The following GNA14 variants were observed in gnomAD, a reference collection of about 807,000 sequenced individuals.
GNA14 encodes the protein guanine nucleotide-binding protein subunit alpha-14.
Under a neutral mutation model 42.0 loss-of-function variants are expected in GNA14, and 50 were observed. The ratio of observed to expected loss-of-function variants is 1.19; its 90% CI spans 0.95 to 1.51. The LOEUF is 1.51. Ranked by LOEUF, GNA14 falls within the 40% of genes most tolerant of loss-of-function variation. The probability of loss-of-function intolerance (pLI) is 0.00; values close to 1 mark genes in which losing one functional copy is unlikely to be tolerated. For missense variants in GNA14, 473 were observed against 446.2 expected, an observed-to-expected ratio of 1.06 and a Z score of -0.54; for synonymous variants, 173 against 163.1, an observed-to-expected ratio of 1.06 and a Z score of -0.46.
chr9:77,443,791 A>C (rs1224899457), intron 2 of GNA14, among the ~76,000 whole-genome samples: 1 of 152,180 alleles, frequency 6.6e-6, no homozygotes, highest in Non-Finnish European at 1.5e-5. Context: ...GTAGGCAAAA[A>C]AACAAGACCC....
At chr9:77,608,941 A>G (rs1823686415) in intron 1 of GNA14, among the ~76,000 whole-genome samples, 1 of 151,940 alleles carries the variant, frequency 6.6e-6, no homozygotes, top group African/African-American at 2.4e-5. Context: ...CTTCATTCAC[A>G]TCCATACTAT....
intron 1 of GNA14, among the ~76,000 whole-genome samples, chr9:77,547,424 A>G (rs184289178): frequency 6.6e-6 from 1 of 152,364 alleles, no homozygotes; most frequent in Admixed American, 6.5e-5. Flanking sequence ...AGGTAAAATT[A>G]GCTCTATTTT....
intron 2 of GNA14, among the ~76,000 whole-genome samples, chr9:77,507,225 C>G (rs549164537): frequency 1.3e-5 from 2 of 152,292 alleles, no homozygotes; most frequent in East Asian, 3.9e-4. Flanking sequence ...CAGGAAAATA[C>G]TCAGCTTGTT....
intron 1 of GNA14, among the ~76,000 whole-genome samples, chr9:77,575,013 T>C (rs1823107675): frequency 6.6e-6 from 1 of 152,164 alleles, no homozygotes; most frequent in Non-Finnish European, 1.5e-5. Flanking sequence ...GTAAATAAGG[T>C]TGCCAAGGAA....
intron 1 of GNA14, among the ~76,000 whole-genome samples, chr9:77,622,035 C>G (rs924695499): frequency 1.3e-5 from 2 of 152,174 alleles, no homozygotes; most frequent in Admixed American, 1.3e-4. Context: ...AAGCAATTCT[C>G]CCACCTCAGC....
In GNA14 at chr9:77,647,653, G is replaced by C; in HGVS notation, c.124+17C>G. ...AAAAACGCCCGGCTCACTGGAGTCG[G>C]AGACGCAGCCACTCACCCAGCAGCA... On this transcript the variant is annotated intron_variant, in intron 1 of 6. Transcript: ENST00000341700. The C allele has an allele frequency of 3.1e-6, 5 of 1,603,594 alleles. No individual in the cohort carries two copies. The highest frequency in any genetic ancestry group is 4.3e-6 in the Non-Finnish European group (5 of 1,175,726).
intron 2 of GNA14, among the ~76,000 whole-genome samples, chr9:77,497,758 T>C (rs1836895214): frequency 6.6e-6 from 1 of 152,092 alleles, no homozygotes; most frequent in Non-Finnish European, 1.5e-5. Context: ...TGCATATACA[T>C]ATTTATATAC....
At chr9:77,622,700 C>T (rs1823947323) in intron 1 of GNA14, among the ~76,000 whole-genome samples, 1 of 138,718 alleles carries the variant, frequency 7.2e-6, no homozygotes, top group Non-Finnish European at 1.5e-5. Flanking sequence ...TCCTGGCTAA[C>T]ATGGTGAAAA....
At chr9:77,503,637 T>C (rs1837009430) in intron 2 of GNA14, among the ~76,000 whole-genome samples, 1 of 149,758 alleles carries the variant, frequency 6.7e-6, no homozygotes. Flanking sequence ...CAAAGAAATT[T>C]ACATCAAATT....
At chr9:77,428,884 C>T in intron 5 of GNA14, 23 bp downstream of exon 5, 2 of 1,610,608 alleles carry the variant, frequency 1.2e-6, no homozygotes, top group South Asian at 2.2e-5. Context: ...TCCACAGCTA[C>T]CCAAACTTCC....
chr9:77,613,665 T>C (rs1322216358), intron 1 of GNA14, among the ~76,000 whole-genome samples: 1 of 152,208 alleles, frequency 6.6e-6, no homozygotes, highest in Non-Finnish European at 1.5e-5. Flanking sequence ...TTGTATTTGT[T>C]AAATATGTAC....
intron 2 of GNA14, among the ~76,000 whole-genome samples, chr9:77,458,905 G>GCGGGA (rs1554689041): frequency 4.2e-5 from 2 of 47,952 alleles, no homozygotes; most frequent in Non-Finnish European, 3.8e-5. Context: ...ACAAGCTGGA[G>GCGGGA]GGGGGGGGGT....
At chr9:77,486,619 ATG>A (rs1052551171) in intron 2 of GNA14, among the ~76,000 whole-genome samples, 11 of 152,144 alleles carry the variant, frequency 7.2e-5, no homozygotes, top group African/African-American at 2.4e-4. Flanking sequence ...AAAGTGAGAG[ATG>A]TGTGACTCCT....
At chr9:77,498,808 G>A (rs1285044336) in intron 2 of GNA14, among the ~76,000 whole-genome samples, 1 of 152,170 alleles carries the variant, frequency 6.6e-6, no homozygotes, top group Non-Finnish European at 1.5e-5. Flanking sequence ...AGCCCTCCTG[G>A]CTTTGCGGGG....
At chr9:77,618,843 C>T (rs1010073712) in intron 1 of GNA14, among the ~76,000 whole-genome samples, 2 of 149,488 alleles carry the variant, frequency 1.3e-5, no homozygotes, top group Non-Finnish European at 3.0e-5. Flanking sequence ...CCGTTTTAGC[C>T]GGGATGGTCT....
chr9:77,578,452 G>T (rs1023628467), intron 1 of GNA14, among the ~76,000 whole-genome samples: 1 of 152,176 alleles, frequency 6.6e-6, no homozygotes, highest in East Asian at 1.9e-4. Flanking sequence ...CTTGTTTAGA[G>T]CTTGTTTGAT....
At chr9:77,624,441 C>T (rs1390435990) in intron 1 of GNA14, among the ~76,000 whole-genome samples, 1 of 152,200 alleles carries the variant, frequency 6.6e-6, no homozygotes, top group Non-Finnish European at 1.5e-5. Flanking sequence ...ACTGCCTCCT[C>T]AAGTGGGTCC....
intron 2 of GNA14, among the ~76,000 whole-genome samples, chr9:77,494,556 T>C (rs771981282): frequency 6.6e-6 from 1 of 152,292 alleles, no homozygotes; most frequent in South Asian, 2.1e-4. Flanking sequence ...AAAGACCAGT[T>C]TGACTTTGTT....
intron 1 of GNA14, among the ~76,000 whole-genome samples, chr9:77,570,788 G>A (rs1823047705): frequency 6.6e-6 from 1 of 152,068 alleles, no homozygotes; most frequent in Non-Finnish European, 1.5e-5. Context: ...GTAGCTCCAT[G>A]TTTAACCTTT....
Sources: gnomAD v4.1 joint callset for allele counts (sites outside exome capture counted in the v4.1 genomes callset) on GRCh38, gnomAD v4.1.1 for gene constraint, MANE v1.5 for transcripts, NCBI Gene and HGNC (gene_info 2026-07-23, HGNC 2026-07-21) for gene names.